CFAP54: variants seen among roughly 807,000 people sequenced by gnomAD.
CFAP54 encodes the protein cilia and flagella associated protein 54, also known as cilia- and flagella-associated protein 54.
A neutral mutation model predicts 370.4 loss-of-function variants in CFAP54; 290 were observed. The ratio of observed to expected loss-of-function variants is 0.78; its 90% confidence interval spans 0.71 to 0.86. The LOEUF (loss-of-function observed/expected upper bound fraction) is 0.86. Ranked by LOEUF, CFAP54 falls within the 40% of genes least tolerant of loss-of-function variation. CFAP54 has a pLI of 0.00. For synonymous variants in CFAP54, 1,206 were observed against 1,236.5 expected (o/e 0.98, Z 0.52); for missense variants, 3,399 against 3,528.7 (o/e 0.96, Z 0.93).
At chr12:96,672,756 T>G (rs775604576) in intron 39 of CFAP54, among the ~76,000 whole-genome samples, 4 of 152,208 alleles carry the variant, frequency 2.6e-5, no homozygotes, top group Non-Finnish European at 4.4e-5. Context: ...CAAAATGTGA[T>G]TTATGTTATC....
chr12:96,496,710 GGGGTC>G (rs1954958884), intron 1 of CFAP54, among the ~76,000 whole-genome samples: 1 of 152,114 alleles, frequency 6.6e-6, no homozygotes, highest in South Asian at 2.1e-4. Context: ...CAGTGGGGGA[GGGGTC>G]ACAAATATTC....
chr12:96,689,701 G>C (rs988937267), intron 43 of CFAP54, among the ~76,000 whole-genome samples: 1 of 152,146 alleles, frequency 6.6e-6, no homozygotes, highest in Non-Finnish European at 1.5e-5. Flanking sequence ...GACTACAGGA[G>C]AGGTATGCTT....
intron 46 of CFAP54, among the ~76,000 whole-genome samples, chr12:96,703,297 G>A (rs978708189): frequency 2.0e-5 from 3 of 152,146 alleles, no homozygotes; most frequent in Non-Finnish European, 4.4e-5. Flanking sequence ...TGGGTAACTG[G>A]GGCTCTCAGA....
At chr12:96,755,181 A>G (rs764648481) in intron 56 of CFAP54, among the ~76,000 whole-genome samples, 17 of 152,034 alleles carry the variant, frequency 1.1e-4, no homozygotes, top group Middle Eastern at 3.4e-3. Context: ...TAGGTTTGTG[A>G]TTTTTCTAAA....
At position 96,638,235 on chromosome 12, in the gene CFAP54, GTGTGTGTATATATA is replaced by G. The variant is rs1565923489; in HGVS notation, c.4317-5941_4317-5928del. ...TGTGTGTGTGTGTGTGTGTGTGTGT[GTGTGTGTATATATA>G]TATATATTTATTTTTTTTTGGTTAT... On this transcript the variant is annotated intron_variant, in intron 32 of 67. Coordinates refer to ENST00000524981, the MANE Select transcript of CFAP54 (RefSeq NM_001306084.2). 6.4e-5 allele frequency among the ~76,000 whole-genome samples: 6 copies of G among 93,644 alleles called. No individual in the cohort carries two copies. In the East Asian group the frequency reaches 1.4e-3, roughly 22 times the overall value. 61.4% of individuals were successfully genotyped at this position (93,644 alleles called of 152,430 possible).
At chr12:96,522,287 C>A in intron 8 of CFAP54, 98 bp downstream of exon 8, 1 of 820,658 alleles carries the variant, frequency 1.2e-6, no homozygotes, top group Non-Finnish European at 1.9e-6. Flanking sequence ...TTATTAAATT[C>A]TGCCCCCAGT....
At chr12:96,615,118 A>G (rs1275337304) in intron 26 of CFAP54, among the ~76,000 whole-genome samples, 1 of 152,218 alleles carries the variant, frequency 6.6e-6, no homozygotes, top group Non-Finnish European at 1.5e-5. Context: ...ACTCTACTAC[A>G]AGGCTACAGT....
chr12:96,612,019 A>G (rs1221792898), intron 26 of CFAP54, among the ~76,000 whole-genome samples: 1 of 152,234 alleles, frequency 6.6e-6, no homozygotes, highest in African/African-American at 2.4e-5. Flanking sequence ...GCAGGCCAGC[A>G]TTCAAATTCA....
chr12:96,571,397 C>A (rs1446755116), intron 19 of CFAP54, among the ~76,000 whole-genome samples: 2 of 152,134 alleles, frequency 1.3e-5, no homozygotes, highest in East Asian at 1.9e-4. Context: ...AGTTGGTGGG[C>A]AAGTCCCTTT....
intron 50 of CFAP54, among the ~76,000 whole-genome samples, chr12:96,722,491 A>C (rs997449459): frequency 6.6e-6 from 1 of 152,224 alleles, no homozygotes; most frequent in African/African-American, 2.4e-5. Context: ...AGTGAGGGGC[A>C]GAGTTGCAAG....
chr12:96,522,712 A>C (rs921458091), intron 8 of CFAP54, among the ~76,000 whole-genome samples: 7 of 152,200 alleles, frequency 4.6e-5, no homozygotes, highest in Admixed American at 1.3e-4. Flanking sequence ...TATTTTAGTT[A>C]TCAGGGGCTC....
chr12:96,600,795 T>A (rs572318014), intron 26 of CFAP54, among the ~76,000 whole-genome samples: 1 of 152,348 alleles, frequency 6.6e-6, no homozygotes, highest in East Asian at 1.9e-4. Flanking sequence ...CTTGTGATTT[T>A]TGCACATTGA....
At chr12:96,709,417 T>A (rs1201504897) in intron 48 of CFAP54, among the ~76,000 whole-genome samples, 1 of 152,218 alleles carries the variant, frequency 6.6e-6, no homozygotes, top group African/African-American at 2.4e-5. Context: ...TTGTATTAGA[T>A]GTTGCCTTAA....
intron 46 of CFAP54, among the ~76,000 whole-genome samples, chr12:96,703,063 A>C (rs968154570): frequency 6.6e-6 from 1 of 152,176 alleles, no homozygotes; most frequent in Admixed American, 6.5e-5. Context: ...GGTAATAAAG[A>C]ATATCTTCAA....
intron 15 of CFAP54, among the ~76,000 whole-genome samples, chr12:96,548,281 C>A (rs986803952): frequency 6.6e-6 from 1 of 152,102 alleles, no homozygotes; most frequent in African/African-American, 2.4e-5. Flanking sequence ...TGCCTTTCCC[C>A]TACCTAGGAG....
Position 96,663,814 on chromosome 12 carries a change from A to C in CFAP54, c.5461-16A>C, listed in dbSNP as rs1225493683. ...AAATACCCGACTAATATTTGTTTTCACCTTTCTTTTTAAAGATAACTTGCC... is the reference window on the plus strand; with the variant it reads ...AAATACCCGACTAATATTTGTTTTCCCCTTTCTTTTTAAAGATAACTTGCC... On this transcript the variant is annotated splice_polypyrimidine_tract_variant and intron_variant, in intron 38 of 67. Transcript: ENST00000524981. 1 of 1,584,190 alleles carries C rather than the reference A, an allele frequency of 6.3e-7. No individual in the cohort carries two copies. Among genetic ancestry groups the C allele is most frequent in the Non-Finnish European group, 8.7e-7 (1 of 1,154,782 alleles).
At chr12:96,867,931 T>C (rs1960046429) in intron 67 of CFAP54, among the ~76,000 whole-genome samples, 1 of 152,146 alleles carries the variant, frequency 6.6e-6, no homozygotes, top group Admixed American at 6.5e-5. Flanking sequence ...TGTGAGGAAA[T>C]GCATATATTA....
chr12:96,673,214 C>T (rs1404797562), intron 39 of CFAP54, among the ~76,000 whole-genome samples: 1 of 152,146 alleles, frequency 6.6e-6, no homozygotes, highest in East Asian at 1.9e-4. Context: ...GCTTATATTG[C>T]ACATGAGAAA....
At chr12:96,749,081 G>A (rs1422513594) in intron 55 of CFAP54, among the ~76,000 whole-genome samples, 1 of 152,150 alleles carries the variant, frequency 6.6e-6, no homozygotes. Flanking sequence ...TTTGACTGCT[G>A]TAACAAAATA....
Sources: gnomAD v4.1 joint callset for allele counts (sites outside exome capture counted in the v4.1 genomes callset) on GRCh38, gnomAD v4.1.1 for gene constraint, MANE v1.5 for transcripts, NCBI Gene and HGNC (gene_info 2026-07-23, HGNC 2026-07-21) for gene names.